RPS6KA2: variants seen among roughly 807,000 people sequenced by gnomAD.
RPS6KA2 encodes the protein ribosomal protein S6 kinase alpha-2.
In RPS6KA2, 42 loss-of-function variants were observed where a neutral mutation model predicts 91.8. That is an observed-to-expected ratio of 0.46 (90% CI 0.36 to 0.59). RPS6KA2 has a LOEUF of 0.59. Ranked by LOEUF, RPS6KA2 falls within the 20% of genes least tolerant of loss-of-function variation. The pLI is 0.00. For synonymous variants in RPS6KA2, 414 were observed against 393.6 expected, an observed-to-expected ratio of 1.05 and a Z score of -0.61; for missense variants, 798 against 978.5, an observed-to-expected ratio of 0.82 and a Z score of 2.46.
In RPS6KA2 at chr6:166,412,034, G is replaced by A; in HGVS notation, c.*728C>T. On this transcript the variant is annotated 3_prime_UTR_variant, in exon 21 of 21. Coordinates refer to ENST00000265678, the MANE Select transcript of RPS6KA2 (RefSeq NM_021135.6). This position sits in a 1 kb window ranked among gnomAD's most constrained non-coding sequence, Gnocchi z 4.3. Reference sequence around the variant, plus strand: ...AAGCCGAGACTGGAGGTGGACACAGGCTCCTCCGAGAGGCACCCCCTTCCA... The same window carrying A: ...AAGCCGAGACTGGAGGTGGACACAGACTCCTCCGAGAGGCACCCCCTTCCA... 6.6e-6 allele frequency: 1 copy of A among 152,386 alleles called. No individual in the cohort carries two copies. The highest frequency in any genetic ancestry group is 1.5e-5 in the Non-Finnish European group (1 of 68,132). 9.4% of individuals were successfully genotyped at this position (152,386 alleles called of 1,614,324 possible).
At chr6:166,566,534 C>T (rs1342818129) in intron 1 of RPS6KA2, among the ~76,000 whole-genome samples, 1 of 152,248 alleles carries the variant, frequency 6.6e-6, no homozygotes, top group African/African-American at 2.4e-5. Context: ...GGCAGCAGAG[C>T]TCTGCACAGG....
upstream of RPS6KA2, chr6:166,862,565 CTCCCCCCTCCCTTCCCTGGCCACGCTCT>C (rs1781074441): frequency 3.9e-6 from 1 of 258,174 alleles, no homozygotes; most frequent in Non-Finnish European, 7.6e-6. Flanking sequence ...TTTCCTGCCT[CTCCCCCCTCCCTTCCCTGGCCACGCTCT>C]TCCCTCCTCC....
intron 2 of RPS6KA2, chr6:166,858,145 T>C (rs772000460): frequency 1.9e-6 from 2 of 1,064,960 alleles, no homozygotes; most frequent in Non-Finnish European, 3.0e-6. Flanking sequence ...CTTCACCACC[T>C]TCTGGGCCCA....
intron 2 of RPS6KA2, among the ~76,000 whole-genome samples, chr6:166,789,428 C>A (rs972625314): frequency 6.6e-6 from 1 of 152,260 alleles, no homozygotes; most frequent in African/African-American, 2.4e-5. Flanking sequence ...TAGGCTCCGC[C>A]TCTGGGGGCA....
At chr6:166,758,239 C>T (rs188927543) in intron 2 of RPS6KA2, among the ~76,000 whole-genome samples, 35 of 152,240 alleles carry the variant, frequency 2.3e-4, no homozygotes, top group South Asian at 1.7e-3. Flanking sequence ...ACCAAGGGTG[C>T]GAGGATGTCA....
intron 1 of RPS6KA2, among the ~76,000 whole-genome samples, chr6:166,550,798 CG>C (rs1446305819): frequency 5.9e-5 from 9 of 152,034 alleles, no homozygotes; most frequent in Middle Eastern, 6.8e-3. Flanking sequence ...GTCAGGAGAT[CG>C]ACACCATCCT....
intron 2 of RPS6KA2, chr6:166,702,957 A>T: frequency 3.4e-6 from 2 of 583,434 alleles, no homozygotes; most frequent in East Asian, 5.7e-5. Flanking sequence ...TAAAATACAC[A>T]AACACAGTAA....
chr6:166,623,232 C>G (rs1325232289), intron 1 of RPS6KA2, among the ~76,000 whole-genome samples: 1 of 152,242 alleles, frequency 6.6e-6, no homozygotes, highest in African/African-American at 2.4e-5. Flanking sequence ...ACACCTTTAG[C>G]AAGTTGGTGG....
At position 166,472,150 on chromosome 6, in the gene RPS6KA2, G is replaced by T. The variant is rs143895734; in HGVS notation, c.908-2245C>A. Among the ~76,000 whole-genome samples, 8 of 152,240 alleles carry T rather than the reference G, an allele frequency of 5.3e-5. No homozygotes were observed. The East Asian group carries it at 1.2e-3, about 22-fold the overall frequency. Reference sequence around the variant, plus strand: ...CTCTTTTGTTTGGTGACTGTTGGACGCATGGCCAGAGGCACTCTCAAAAGG... The same window carrying T: ...CTCTTTTGTTTGGTGACTGTTGGACTCATGGCCAGAGGCACTCTCAAAAGG... On this transcript the variant is annotated intron_variant, in intron 10 of 20. Transcript: ENST00000265678.
At chr6:166,524,485 G>A (rs1489867389) in intron 3 of RPS6KA2, among the ~76,000 whole-genome samples, 1 of 152,046 alleles carries the variant, frequency 6.6e-6, no homozygotes, top group East Asian at 1.9e-4. Context: ...ATGATCACAG[G>A]CCTTTCATAT....
intron 2 of RPS6KA2, among the ~76,000 whole-genome samples, chr6:166,714,318 C>T (rs1349788739): frequency 6.6e-6 from 1 of 152,188 alleles, no homozygotes; most frequent in South Asian, 2.1e-4. Context: ...AGAGCTGAGC[C>T]CTGGTGCTCT....
intron 11 of RPS6KA2, among the ~76,000 whole-genome samples, chr6:166,467,145 C>G (rs191760919): frequency 6.6e-6 from 1 of 152,062 alleles, no homozygotes; most frequent in Non-Finnish European, 1.5e-5. Flanking sequence ...TTAACTCATT[C>G]ATTCACTCAC....
rs1271977619 is a variant in RPS6KA2 at position 166,665,582 on chromosome 6, T to G, written c.124-126798A>C. Among the ~76,000 whole-genome samples the G allele has an allele frequency of 1.3e-5, 2 of 151,582 alleles. No individual in the cohort carries two copies. Among genetic ancestry groups the G allele is most frequent in the African/African-American group, 4.8e-5 (2 of 41,286 alleles). ...CAGCAGCCAGGGCACAGATGCAAAC[T>G]ACTTTCAGAAACGTGTTCTCTTCTG... On this transcript the variant is annotated intron_variant, in intron 2 of 21. Coordinates refer to the RPS6KA2 transcript ENST00000503859. This position sits in a 1 kb window ranked among gnomAD's most constrained non-coding sequence, Gnocchi z 4.5.
In RPS6KA2 at chr6:166,639,930, C is replaced by T. The variant is rs1300523627; in HGVS notation, c.124-101146G>A. On this transcript the variant is annotated intron_variant, in intron 2 of 21. Transcript: ENST00000503859. This position sits in a 1 kb window ranked among gnomAD's most constrained non-coding sequence, Gnocchi z 4.2. Reference sequence around the variant, plus strand: ...ACTTCAGAGAAGCAAGTGTCCGTAGCGTTCCATGCGTGTGTGTAAACAGAC... The same window carrying T: ...ACTTCAGAGAAGCAAGTGTCCGTAGTGTTCCATGCGTGTGTGTAAACAGAC... Among the ~76,000 whole-genome samples, 1 of 152,238 alleles carries T rather than the reference C, an allele frequency of 6.6e-6. No individual in the cohort carries two copies. The highest frequency in any genetic ancestry group is 1.5e-5 in the Non-Finnish European group (1 of 68,052).
In RPS6KA2 at chr6:166,702,857, T is replaced by G. The variant is rs1789566256; in HGVS notation, c.123+155343A>C. On this transcript the variant is annotated intron_variant, in intron 2 of 21. Transcript: ENST00000503859. Reference sequence around the variant, plus strand: ...TTGTTCATTGTGAAGAATGGTTGTTTAAAAAAAATTAATGAGAAAAACGAA... The same window carrying G: ...TTGTTCATTGTGAAGAATGGTTGTTGAAAAAAAATTAATGAGAAAAACGAA... 3.2e-6 allele frequency: 3 copies of G among 946,380 alleles called. No homozygotes were observed. In the East Asian group the frequency reaches 7.2e-5, roughly 23 times the overall value. 58.6% of individuals were successfully genotyped at this position (946,380 alleles called of 1,614,324 possible). A position where few individuals can be genotyped will look rare whatever the true frequency, so the allele number is the denominator to read the frequency against.
At chr6:166,602,721 G>A (rs1414589667) in intron 1 of RPS6KA2, among the ~76,000 whole-genome samples, 8 of 152,212 alleles carry the variant, frequency 5.3e-5, no homozygotes, top group African/African-American at 1.9e-4. Context: ...CTCAAATCCA[G>A]GGAAATCGTA....
intron 2 of RPS6KA2, among the ~76,000 whole-genome samples, chr6:166,809,653 G>A (rs545756532): frequency 1.3e-5 from 2 of 152,348 alleles, no homozygotes; most frequent in South Asian, 4.1e-4. Flanking sequence ...CTTCACACAA[G>A]TGTCAGACTG....
At chr6:166,606,704 A>G (rs1272823243) in intron 1 of RPS6KA2, among the ~76,000 whole-genome samples, 5 of 152,254 alleles carry the variant, frequency 3.3e-5, no homozygotes, top group Non-Finnish European at 7.3e-5. Flanking sequence ...ACATTTCTCC[A>G]AAAACATACA....
chr6:166,706,672 G>T (rs1031261047), intron 2 of RPS6KA2, among the ~76,000 whole-genome samples: 1 of 152,198 alleles, frequency 6.6e-6, no homozygotes, highest in Admixed American at 6.5e-5. Flanking sequence ...CAGGCAAGGG[G>T]ACAGCTAGTT....
Sources: allele counts gnomAD v4.1 joint callset (sites outside exome capture counted in the v4.1 genomes callset), GRCh38; gene constraint gnomAD v4.1.1; non-coding constraint Gnocchi (gnomAD v3.1); transcripts MANE v1.5; gene names NCBI Gene and HGNC (gene_info 2026-07-23, HGNC 2026-07-21).